The following NHSL2 variants were observed in gnomAD, a reference collection of about 807,000 sequenced individuals.
The protein encoded by NHSL2 is NHS like 2, also known as NHS-like protein 2.
In NHSL2, 27 loss-of-function variants were observed where a neutral mutation model predicts 53.4. The observed-to-expected ratio is 0.51, with a 90% confidence interval of 0.37 to 0.70. The LOEUF (loss-of-function observed/expected upper bound fraction) is 0.70, where lower values mean the gene tolerates loss of function less well. Ranked by LOEUF, NHSL2 falls within the 30% of genes least tolerant of loss-of-function variation. The pLI is 0.00. For synonymous variants in NHSL2, 408 were observed against 404.1 expected (o/e 1.01, Z -0.12); for missense variants, 892 against 980.1 (o/e 0.91, Z 1.20).
chrX:72,077,140 C>T (rs1443995140), intron 1 of NHSL2, among the ~76,000 whole-genome samples: 1 of 110,751 alleles, frequency 9.0e-6, no homozygotes, highest in Non-Finnish European at 1.9e-5. Context: ...TCATGCACTG[C>T]CCCTGTGGAA....
chrX:72,127,668 TC>T (rs770442243), intron 1 of NHSL2: 1 of 112,490 alleles, frequency 8.9e-6, no homozygotes, highest in South Asian at 3.7e-4. Flanking sequence ...GAATAGCAGG[TC>T]CCCTTCTGGA....
intron 1 of NHSL2, among the ~76,000 whole-genome samples, chrX:72,090,633 A>G (rs1252310595): frequency 9.0e-6 from 1 of 111,301 alleles, no homozygotes; most frequent in Non-Finnish European, 1.9e-5. Flanking sequence ...GTAAAAGACT[A>G]TTTCATGAAA....
intron 1 of NHSL2, among the ~76,000 whole-genome samples, chrX:71,913,043 A>G (rs1235722611): frequency 9.0e-6 from 1 of 111,521 alleles, no homozygotes; most frequent in African/African-American, 3.3e-5. Flanking sequence ...TGTTAAGTTA[A>G]ATTACCACTG....
chrX:72,075,174 T>C (rs766126033), intron 1 of NHSL2, among the ~76,000 whole-genome samples: 3 of 111,908 alleles, frequency 2.7e-5, no homozygotes, highest in Non-Finnish European at 5.6e-5. Flanking sequence ...TTCAGATCCT[T>C]ATGTTAGAGA....
At chrX:71,926,632 A>G (rs1270382160) in intron 1 of NHSL2, among the ~76,000 whole-genome samples, 27 of 108,497 alleles carry the variant, frequency 2.5e-4, no homozygotes, top group African/African-American at 9.0e-4. Flanking sequence ...GAGAATATAC[A>G]TATATATACA....
Position 71,911,384 on chromosome X carries a change from G to A in NHSL2, c.280+17G>A. The stretch of plus-strand genomic sequence containing the variant: ...AAGAGCTAGGTAAAAACGGCGCCCC[G>A]GTGGCTCGCGGCCCCGCGTCTACCC... On this transcript the variant is annotated intron_variant, in intron 1 of 7. Transcript: ENST00000633930. 1.9e-6 allele frequency: 2 copies of A among 1,045,260 alleles called. No homozygotes were observed. The highest frequency in any genetic ancestry group is 7.7e-5 in the East Asian group (2 of 25,863). The allele number at this position is 1,045,260 out of a possible 1,213,427, so 86.1% of individuals were successfully genotyped here. A position where few individuals can be genotyped will look rare whatever the true frequency, so the allele number is the denominator to read the frequency against.
At chrX:71,941,633 C>G (rs2041766388) in intron 1 of NHSL2, among the ~76,000 whole-genome samples, 1 of 112,048 alleles carries the variant, frequency 8.9e-6, no homozygotes, top group Non-Finnish European at 1.9e-5. Context: ...TAGCACAGTA[C>G]CTGGCACATA....
At position 72,109,123 on chromosome X, in the gene NHSL2, G is replaced by A. The variant is rs572708211; in HGVS notation, c.281-22956G>A. 2.9e-3 allele frequency among the ~76,000 whole-genome samples: 319 copies of A among 111,519 alleles called. 1 individual carries two copies. Among genetic ancestry groups the A allele is most frequent in the African/African-American group, 9.5e-3 (291 of 30,581 alleles). ...TCTCCTCTGCTTTAGTGTGAACTCCGTGAGGGCATGGACTGTGTCTGTCCT... is the reference window on the plus strand; with the variant it reads ...TCTCCTCTGCTTTAGTGTGAACTCCATGAGGGCATGGACTGTGTCTGTCCT... On this transcript the variant is annotated intron_variant, in intron 1 of 7. Transcript: ENST00000633930.
intron 1 of NHSL2, among the ~76,000 whole-genome samples, chrX:72,125,196 C>A (rs2147498112): frequency 8.9e-6 from 1 of 112,467 alleles, no homozygotes; most frequent in South Asian, 3.7e-4. Flanking sequence ...ACTGCAGGAT[C>A]TCAGATGAGC....
intron 1 of NHSL2, among the ~76,000 whole-genome samples, chrX:72,102,539 G>A (rs754822979): frequency 4.4e-5 from 5 of 112,452 alleles, no homozygotes; most frequent in Non-Finnish European, 7.5e-5. Flanking sequence ...GAATAAATGA[G>A]AAAATGTGTT....
intron 1 of NHSL2, among the ~76,000 whole-genome samples, chrX:72,051,342 T>C (rs2042339367): frequency 8.9e-6 from 1 of 112,532 alleles, no homozygotes; most frequent in Non-Finnish European, 1.9e-5. Context: ...AATTTTCAGT[T>C]GTATGTACCT....
chrX:72,056,253 C>T lies in NHSL2; in HGVS notation c.281-75826C>T, dbSNP rs768577835. 1.6e-4 allele frequency among the ~76,000 whole-genome samples: 18 copies of T among 111,934 alleles called. 1 individual carries two copies. In the South Asian group the frequency reaches 5.5e-3, roughly 34 times the overall value. ...AATGCATACTAAGGGAATAATCAAACGAGTGCTAGAGATGCATGTACAAAG... is the reference window on the plus strand; with the variant it reads ...AATGCATACTAAGGGAATAATCAAATGAGTGCTAGAGATGCATGTACAAAG... On this transcript the variant is annotated intron_variant, in intron 1 of 7. Transcript: ENST00000633930.
chrX:72,010,103 G>C (rs953975245), intron 1 of NHSL2, among the ~76,000 whole-genome samples: 1 of 112,841 alleles, frequency 8.9e-6, no homozygotes, highest in Admixed American at 9.3e-5. Context: ...AATTGGCATG[G>C]ACTGAGCTTT....
chrX:71,994,625 A>C (rs2042041972), intron 1 of NHSL2, among the ~76,000 whole-genome samples: 1 of 111,969 alleles, frequency 8.9e-6, no homozygotes, highest in African/African-American at 3.3e-5. Context: ...AGTTTAAAAA[A>C]AGGAATGAGA....
intron 1 of NHSL2, among the ~76,000 whole-genome samples, chrX:72,029,654 G>T (rs758302851): frequency 2.6e-4 from 29 of 113,094 alleles, no homozygotes; most frequent in South Asian, 1.4e-3. Flanking sequence ...TTCTTGGATT[G>T]CTGGGCTCTG....
intron 1 of NHSL2, among the ~76,000 whole-genome samples, chrX:71,958,803 T>C (rs2041854801): frequency 8.9e-6 from 1 of 112,568 alleles, no homozygotes; most frequent in Non-Finnish European, 1.9e-5. Flanking sequence ...TTCAAATATA[T>C]TATCTCATTG....
rs1460753748 is a variant in NHSL2, at chrX:72,041,238, G to A, written c.281-90841G>A. On this transcript the variant is annotated intron_variant, in intron 1 of 7. Coordinates refer to ENST00000633930, the MANE Select transcript of NHSL2 (RefSeq NM_001013627.3). ...TCAGCTGAAGGCTAAGAGGGCCCAG[G>A]AAGTTAACATAAGTGAGTGAAGCAG... Among the ~76,000 whole-genome samples, 4 of 111,882 alleles carry A rather than the reference G, an allele frequency of 3.6e-5. No individual in the cohort carries two copies. The Admixed American group carries it at 3.8e-4, about 11-fold the overall frequency.
At chrX:72,055,420 G>C (rs1318043226) in intron 1 of NHSL2, among the ~76,000 whole-genome samples, 1 of 112,533 alleles carries the variant, frequency 8.9e-6, no homozygotes, top group East Asian at 2.8e-4. Context: ...GGTTTTTGTT[G>C]TTTTCTTGAG....
In NHSL2 at chrX:71,991,236, G is replaced by A. The variant is rs905835046; in HGVS notation, c.280+79869G>A. Reference sequence around the variant, plus strand: ...TGCCTTTCTGGAAAGCGTGTGTGCTGTGGTTCCCCACTCTTCTCCCATTTT... The same window carrying A: ...TGCCTTTCTGGAAAGCGTGTGTGCTATGGTTCCCCACTCTTCTCCCATTTT... On this transcript the variant is annotated intron_variant, in intron 1 of 7. Transcript: ENST00000633930. Among the ~76,000 whole-genome samples, 4 of 112,524 alleles carry A rather than the reference G, an allele frequency of 3.6e-5. 1 individual carries two copies. Among genetic ancestry groups the A allele is most frequent in the Non-Finnish European group, 7.5e-5 (4 of 53,329 alleles).
Sources: allele counts gnomAD v4.1 joint callset (sites outside exome capture counted in the v4.1 genomes callset), GRCh38; gene constraint gnomAD v4.1.1; transcripts MANE v1.5; gene names NCBI Gene and HGNC (gene_info 2026-07-23, HGNC 2026-07-21).